PDCD6: variants seen among roughly 807,000 people sequenced by gnomAD.
PDCD6 encodes the protein programmed cell death 6, also known as programmed cell death protein 6.
PDCD6 carries 12 observed loss-of-function variants against 28.3 expected under a neutral mutation model. That is an observed-to-expected ratio of 0.42 (90% CI 0.27 to 0.69). The LOEUF is 0.69. PDCD6 is among the 30% of genes least tolerant of loss of function. The pLI, the probability that PDCD6 is intolerant of heterozygous loss-of-function variation, is 0.22. For missense variants in PDCD6, 226 were observed against 269.9 expected (o/e 0.84, Z 1.14); for synonymous variants, 92 against 108.0 (o/e 0.85, Z 0.92).
rs527979190 is a variant in PDCD6 at position 291,616 on chromosome 5, G to C, written c.164-12561G>C. Among the ~76,000 whole-genome samples the C allele has an allele frequency of 2.6e-3, 389 of 149,484 alleles. 6 individuals are homozygous for C. The Middle Eastern group carries it at 0.028, about 11-fold the overall frequency. The stretch of plus-strand genomic sequence containing the variant: ...ACTGACGTGGCTCCTTTTCATTACT[G>C]CGTGATCTCCCGTCTCCATTCTCTC... On this transcript the variant is annotated intron_variant, in intron 2 of 5. Transcript: ENST00000264933.
chr5:290,023 A>G lies in PDCD6; in HGVS notation c.164-14154A>G, dbSNP rs1739222988. On this transcript the variant is annotated intron_variant, in intron 2 of 5. Coordinates refer to ENST00000264933, the MANE Select transcript of PDCD6 (RefSeq NM_013232.4). ...TGTTAACAATTCACATAGTCGCTGAATAGTAAAAGGGATACTGTTAAATCC... is the reference window on the plus strand; with the variant it reads ...TGTTAACAATTCACATAGTCGCTGAGTAGTAAAAGGGATACTGTTAAATCC... 1.9e-6 allele frequency: 3 copies of G among 1,598,978 alleles called. No homozygotes were observed. The Admixed American group carries it at 5.0e-5, about 27-fold the overall frequency.
chr5:309,943 C>A (rs34717628), intron 4 of PDCD6: 10,125 of 90,252 alleles, frequency 0.11, 315 homozygotes, highest in South Asian at 0.17. Context: ...CCCCGTGCAC[C>A]CCAGTGATGG....
intron 2 of PDCD6, among the ~76,000 whole-genome samples, chr5:283,305 C>T (rs1400404138): frequency 6.6e-6 from 1 of 150,612 alleles, no homozygotes; most frequent in Non-Finnish European, 1.5e-5. Flanking sequence ...GGTCTTTCAG[C>T]TGGAGACTCA....
intron 2 of PDCD6, among the ~76,000 whole-genome samples, chr5:285,531 T>TTC: frequency 6.6e-6 from 1 of 151,752 alleles, no homozygotes; most frequent in East Asian, 2.0e-4. Flanking sequence ...GGAGCTGATG[T>TTC]TCCAGTTTGA....
chr5:288,803 T>C (rs1234889656), intron 2 of PDCD6: 1 of 1,180,034 alleles, frequency 8.5e-7, no homozygotes, highest in Non-Finnish European at 1.2e-6. Flanking sequence ...GAACTGTATG[T>C]AAAATACTGC....
intron 1 of PDCD6, 25 bp from the exon 2 acceptor site, chr5:272,686 T>G (rs758768446): frequency 8.3e-6 from 13 of 1,558,254 alleles, no homozygotes; most frequent in Non-Finnish European, 1.1e-5. Flanking sequence ...GATCGCCAGC[T>G]TATTTGGTCT....
intron 2 of PDCD6, chr5:276,481 A>G: frequency 1.0e-6 from 1 of 983,890 alleles, no homozygotes; most frequent in Non-Finnish European, 1.2e-6. Flanking sequence ...TAAGAAAAAA[A>G]TTAGAGATGG....
intron 2 of PDCD6, among the ~76,000 whole-genome samples, chr5:300,671 C>T (rs1739995677): frequency 6.6e-6 from 1 of 152,226 alleles, no homozygotes; most frequent in Non-Finnish European, 1.5e-5. Flanking sequence ...TGCTTCAGCT[C>T]GTTACGGGCC....
rs141044004 is a variant in PDCD6, at chr5:307,749, C to T, written c.367+989C>T. Among the ~76,000 whole-genome samples, 382 of 152,314 alleles carry T rather than the reference C, an allele frequency of 2.5e-3. 1 individual carries two copies. Among genetic ancestry groups the T allele is most frequent in the African/African-American group, 8.8e-3 (366 of 41,564 alleles). On this transcript the variant is annotated intron_variant, in intron 4 of 5. Coordinates refer to ENST00000264933, the MANE Select transcript of PDCD6 (RefSeq NM_013232.4). The surrounding 1 kb of genome is among the most constrained non-coding windows in gnomAD (Gnocchi z 6.1). ...AGGAAAATTCGATTCTACTTGAGTA[C>T]CTCCGAGATCCCTGGAGTCTCACTT... is the stretch of plus-strand genomic sequence containing the variant.
Position 314,731 on chromosome 5 carries a change from ACTGTCT to A in PDCD6, c.*218_*223del. ...TCTAATGCAGACATTGGATTTGGTG[ACTGTCT>A]CATTGTGCCATGAGGTAAATGTAAT... On this transcript the variant is annotated 3_prime_UTR_variant, in exon 6 of 6. Transcript: ENST00000264933. 1.5e-6 allele frequency: 1 copy of A among 646,894 alleles called. No homozygotes were observed. Among genetic ancestry groups the A allele is most frequent in the Non-Finnish European group, 2.9e-6 (1 of 349,864 alleles). 40.1% of individuals were successfully genotyped at this position (646,894 alleles called of 1,614,324 possible).
Position 276,963 on chromosome 5 carries a change from G to A in PDCD6, c.163+4191G>A, listed in dbSNP as rs62345225. On this transcript the variant is annotated intron_variant, in intron 2 of 5. Coordinates refer to ENST00000264933, the MANE Select transcript of PDCD6 (RefSeq NM_013232.4). Reference sequence around the variant, plus strand: ...CTATCTTGAGTTTGATCCCTTTTCGGGTGTTTGGGGTTTTTTTAACATTCA... The same window carrying A: ...CTATCTTGAGTTTGATCCCTTTTCGAGTGTTTGGGGTTTTTTTAACATTCA... 1.1e-5 allele frequency: 11 copies of A among 983,504 alleles called. 1 individual carries two copies. The South Asian group carries it at 4.7e-4, about 42-fold the overall frequency. The allele number at this position is 983,504 out of a possible 1,614,324, so 60.9% of individuals were successfully genotyped here. A position where few individuals can be genotyped will look rare whatever the true frequency, so the allele number is the denominator to read the frequency against.
intron 2 of PDCD6, chr5:289,687 C>T: frequency 2.1e-6 from 2 of 947,404 alleles, no homozygotes; most frequent in Middle Eastern, 3.0e-4. Flanking sequence ...CGAAGAGTCA[C>T]TGTGATTTTT....
intron 2 of PDCD6, among the ~76,000 whole-genome samples, chr5:294,186 A>G (rs1739457575): frequency 6.6e-6 from 1 of 151,914 alleles, no homozygotes; most frequent in African/African-American, 2.4e-5. Flanking sequence ...TTCATAAAAG[A>G]TTGACAAATT....
intron 2 of PDCD6, among the ~76,000 whole-genome samples, chr5:284,827 G>T (rs114128445): frequency 4.0e-5 from 6 of 151,736 alleles, no homozygotes; most frequent in Admixed American, 1.3e-4. Flanking sequence ...GGAGACCCGG[G>T]GGGGAGAAGA....
intron 5 of PDCD6, 184 bp downstream of exon 5, chr5:311,586 T>TC (rs1220351576): frequency 1.7e-6 from 1 of 578,350 alleles, no homozygotes; most frequent in African/African-American, 1.9e-5. Context: ...CATGTTTTCC[T>TC]CCCCTTGGAA....
chr5:280,116 G>A (rs1391478186), intron 2 of PDCD6, among the ~76,000 whole-genome samples: 3 of 151,648 alleles, frequency 2.0e-5, no homozygotes, highest in African/African-American at 4.9e-5. Flanking sequence ...AAAAGCCAGC[G>A]GGGCGAGAGG....
intron 2 of PDCD6, among the ~76,000 whole-genome samples, chr5:287,943 A>C (rs1047537498): frequency 2.0e-5 from 3 of 152,262 alleles, no homozygotes; most frequent in African/African-American, 7.2e-5. Flanking sequence ...TATCAGCTTC[A>C]TAAACATTCA....
chr5:300,331 C>T (rs568238771), intron 2 of PDCD6, among the ~76,000 whole-genome samples: 5 of 152,366 alleles, frequency 3.3e-5, no homozygotes, highest in South Asian at 4.1e-4. Flanking sequence ...ACTAGCTGTC[C>T]CAGCTTCTTG....
chr5:289,382 C>T (rs898911272), intron 2 of PDCD6: 34 of 609,212 alleles, frequency 5.6e-5, no homozygotes, highest in Non-Finnish European at 8.7e-5. Context: ...CTTCTTACTC[C>T]TCCCTTTTAC....
Sources: gnomAD v4.1 joint callset for allele counts (sites outside exome capture counted in the v4.1 genomes callset) on GRCh38, gnomAD v4.1.1 for gene constraint, Gnocchi (gnomAD v3.1) non-coding constraint, MANE v1.5 for transcripts, NCBI Gene and HGNC (gene_info 2026-07-23, HGNC 2026-07-21) for gene names.